The following TMEFF1 variants were observed in gnomAD, a reference collection of about 807,000 sequenced individuals.
TMEFF1 encodes the protein tomoregulin-1.
Under a neutral mutation model 47.5 loss-of-function variants are expected in TMEFF1, and 20 were observed. The observed-to-expected ratio is 0.42, with a 90% CI of 0.30 to 0.61. The LOEUF (loss-of-function observed/expected upper bound fraction) is 0.61. TMEFF1 is among the 20% of genes least tolerant of loss of function. The pLI, the probability that TMEFF1 is intolerant of heterozygous loss-of-function variation, is 0.19. For missense variants in TMEFF1, 411 were observed against 471.1 expected, an observed-to-expected ratio of 0.87 and a Z score of 1.18; for synonymous variants, 162 against 166.3, an observed-to-expected ratio of 0.97 and a Z score of 0.20.
intron 8 of TMEFF1, among the ~76,000 whole-genome samples, chr9:100,564,260 AGACAGG>A (rs755841553): frequency 2.0e-5 from 3 of 152,148 alleles, no homozygotes; most frequent in Non-Finnish European, 4.4e-5. Flanking sequence ...TTTTTAGTAG[AGACAGG>A]GTTTTGCCAT....
chr9:100,531,688 A>T (rs1186970548), intron 5 of TMEFF1, among the ~76,000 whole-genome samples: 1 of 152,136 alleles, frequency 6.6e-6, no homozygotes, highest in African/African-American at 2.4e-5. Flanking sequence ...ATTCAATGCC[A>T]TCCCCATCAA....
At chr9:100,536,667 A>T (rs1297454877) in intron 5 of TMEFF1, among the ~76,000 whole-genome samples, 1 of 152,184 alleles carries the variant, frequency 6.6e-6, no homozygotes, top group East Asian at 1.9e-4. Flanking sequence ...TAGTAAGAGC[A>T]TGCTAAATCT....
At chr9:100,575,081 C>T (rs1839324158) in intron 9 of TMEFF1, among the ~76,000 whole-genome samples, 1 of 152,108 alleles carries the variant, frequency 6.6e-6, no homozygotes, top group Admixed American at 6.6e-5. Flanking sequence ...ATTTCCTCCC[C>T]TAGAATGTCT....
At chr9:100,514,507 A>T (rs1838026786) in intron 4 of TMEFF1, among the ~76,000 whole-genome samples, 1 of 152,072 alleles carries the variant, frequency 6.6e-6, no homozygotes, top group Non-Finnish European at 1.5e-5. Flanking sequence ...TGTCATTGTC[A>T]TTGTTCCTAT....
chr9:100,572,368 C>T (rs1587861777), intron 8 of TMEFF1, 150 bp from the exon 9 acceptor site: 1 of 859,118 alleles, frequency 1.2e-6, no homozygotes, highest in Non-Finnish European at 1.6e-6. Context: ...GGGAAACATA[C>T]AAATGACATT....
chr9:100,562,201 G>T (rs989531438), intron 8 of TMEFF1, among the ~76,000 whole-genome samples: 16 of 152,126 alleles, frequency 1.1e-4, no homozygotes, highest in African/African-American at 3.9e-4. Context: ...TAGACAAGGG[G>T]ACATTGCTGT....
At chr9:100,541,364 T>A (rs1297086110) in intron 5 of TMEFF1, among the ~76,000 whole-genome samples, 15 of 144,138 alleles carry the variant, frequency 1.0e-4, no homozygotes, top group Admixed American at 4.1e-4. Context: ...TTTTTTTTTC[T>A]TTCTTTCTTT....
intron 6 of TMEFF1, among the ~76,000 whole-genome samples, chr9:100,549,568 C>T (rs1280669365): frequency 1.3e-5 from 2 of 152,172 alleles, no homozygotes; most frequent in Non-Finnish European, 2.9e-5. Flanking sequence ...TCGTTTGCCT[C>T]CTCCACTAGT....
At chr9:100,567,717 G>GT (rs1839149892) in intron 8 of TMEFF1, among the ~76,000 whole-genome samples, 1 of 152,180 alleles carries the variant, frequency 6.6e-6, no homozygotes, top group African/African-American at 2.4e-5. Flanking sequence ...CCTTTAATCA[G>GT]TAACAGAAGA....
At position 100,577,271 on chromosome 9, in the gene TMEFF1, A is replaced by G. The variant is rs1236908501; in HGVS notation, c.*671A>G. On this transcript the variant is annotated 3_prime_UTR_variant, in exon 10 of 10. Coordinates refer to ENST00000374879, the MANE Select transcript of TMEFF1 (RefSeq NM_003692.5). ...TAACAAACAGATTGGAATAAAGCCT[A>G]TTCTACCAGTTAAACTACTTTAATA... 1.3e-5 allele frequency: 2 copies of G among 152,650 alleles called. No individual in the cohort carries two copies. The highest frequency in any genetic ancestry group is 3.8e-4 in the East Asian group (2 of 5,204). 9.5% of individuals were successfully genotyped at this position (152,650 alleles called of 1,614,324 possible).
At position 100,526,955 on chromosome 9, in the gene TMEFF1, C is replaced by CAAA. The variant is rs55736750; in HGVS notation, c.560+10208_560+10210dup. 9.1e-3 allele frequency among the ~76,000 whole-genome samples: 353 copies of CAAA among 38,978 alleles called. 8 individuals are homozygous for CAAA. Among genetic ancestry groups the CAAA allele is most frequent in the African/African-American group, 0.026 (290 of 11,080 alleles). The allele number at this position is 38,978 out of a possible 152,430, so 25.6% of individuals were successfully genotyped here. On this transcript the variant is annotated intron_variant, in intron 5 of 9. Coordinates refer to ENST00000374879, the MANE Select transcript of TMEFF1 (RefSeq NM_003692.5). The stretch of plus-strand genomic sequence containing the variant: ...TGAAACCCTGTCTCTGCTAAAAATA[C>CAAA]AAAAAAAAAAAAAAAAAAAAAAAAA...
intron 5 of TMEFF1, among the ~76,000 whole-genome samples, chr9:100,526,054 TTAGG>T (rs1381034157): frequency 6.6e-6 from 1 of 152,218 alleles, no homozygotes; most frequent in Non-Finnish European, 1.5e-5. Flanking sequence ...TTTGAAGTGT[TTAGG>T]TATTTTTATT....
intron 7 of TMEFF1, 92 bp from the exon 8 acceptor site, chr9:100,561,305 G>A (rs1239033637): frequency 7.2e-6 from 11 of 1,531,408 alleles, no homozygotes; most frequent in East Asian, 2.3e-5. Flanking sequence ...TTGACAGTGG[G>A]TGAATTCATT....
intron 1 of TMEFF1, among the ~76,000 whole-genome samples, chr9:100,474,340 C>T (rs1837182407): frequency 6.6e-6 from 1 of 150,732 alleles, no homozygotes; most frequent in Admixed American, 6.6e-5. Flanking sequence ...TGCGCGCGCG[C>T]GCGCGTGTGT....
chr9:100,538,098 G>A (rs1454953214), intron 5 of TMEFF1, among the ~76,000 whole-genome samples: 1 of 152,074 alleles, frequency 6.6e-6, no homozygotes, highest in Non-Finnish European at 1.5e-5. Context: ...ATGTTGCCAG[G>A]CTAGAGTGCA....
Position 100,501,750 on chromosome 9 carries a change from T to C in TMEFF1, c.306+2876T>C, listed in dbSNP as rs1837767039. ...ACCTCCGCCTCCCGGGTTCAAATGA[T>C]TCTCCTGCCTCAGCCTCCCTAGTAA... On this transcript the variant is annotated intron_variant, in intron 2 of 9. Coordinates refer to ENST00000374879, the MANE Select transcript of TMEFF1 (RefSeq NM_003692.5). Among the ~76,000 whole-genome samples the C allele has an allele frequency of 2.0e-5, 3 of 152,126 alleles. No homozygotes were observed. In the South Asian group the frequency reaches 6.2e-4, roughly 32 times the overall value.
intron 7 of TMEFF1, among the ~76,000 whole-genome samples, chr9:100,558,257 G>A (rs930162254): frequency 3.3e-5 from 5 of 151,974 alleles, no homozygotes; most frequent in African/African-American, 4.8e-5. Flanking sequence ...GACCTGCACC[G>A]TCCTATTACT....
At chr9:100,474,344 CGT>C (rs1564259365) in intron 1 of TMEFF1, among the ~76,000 whole-genome samples, 4 of 150,240 alleles carry the variant, frequency 2.7e-5, no homozygotes, top group African/African-American at 4.9e-5. Flanking sequence ...CGCGCGCGCG[CGT>C]GTGTGTTCTT....
At position 100,549,480 on chromosome 9, in the gene TMEFF1, A is replaced by C. The variant is rs543998632; in HGVS notation, c.710-615A>C. ...AAGTTTGAGAGTTTAATTGAAATGC[A>C]TCCTTTAGAGTGATTGGGCCTTAAG... is the stretch of plus-strand genomic sequence containing the variant. On this transcript the variant is annotated intron_variant, in intron 6 of 9. Coordinates refer to ENST00000374879, the MANE Select transcript of TMEFF1 (RefSeq NM_003692.5). Among the ~76,000 whole-genome samples, 6 of 152,336 alleles carry C rather than the reference A, an allele frequency of 3.9e-5. No individual in the cohort carries two copies. In the South Asian group the frequency reaches 1.2e-3, roughly 32 times the overall value.
Sources: allele counts gnomAD v4.1 joint callset (sites outside exome capture counted in the v4.1 genomes callset), GRCh38; gene constraint gnomAD v4.1.1; transcripts MANE v1.5; gene names NCBI Gene and HGNC (gene_info 2026-07-23, HGNC 2026-07-21).